Variants in TPCN1 observed in about 807,000 individuals in gnomAD.
The protein encoded by TPCN1 is two pore segment channel 1, also known as two pore channel protein 1.
TPCN1 carries 52 observed loss-of-function variants against 108.8 expected under a neutral mutation model. The observed-to-expected ratio is 0.48, with a 90% CI of 0.38 to 0.60. The LOEUF (loss-of-function observed/expected upper bound fraction) is 0.60. Ranked by LOEUF, TPCN1 falls within the 20% of genes least tolerant of loss-of-function variation. The pLI, the probability that TPCN1 is intolerant of heterozygous loss-of-function variation, is 0.00. For synonymous variants in TPCN1, 446 were observed against 433.7 expected (o/e 1.03, Z -0.35); for missense variants, 806 against 1,072.8 (o/e 0.75, Z 3.47).
intron 3 of TPCN1, among the ~76,000 whole-genome samples, chr12:113,265,442 T>C (rs568389143): frequency 3.9e-5 from 6 of 152,126 alleles, no homozygotes; most frequent in Non-Finnish European, 7.4e-5. Flanking sequence ...GCCCCTGAGC[T>C]CTTTACACTC....
chr12:113,225,686 C>T (rs1347485084), intron 1 of TPCN1, among the ~76,000 whole-genome samples: 2 of 152,094 alleles, frequency 1.3e-5, no homozygotes, highest in Non-Finnish European at 2.9e-5. Context: ...TCTTGAGTAG[C>T]TGGGATTACC....
At chr12:113,255,651 G>C (rs555588523) in intron 2 of TPCN1, among the ~76,000 whole-genome samples, 1 of 151,858 alleles carries the variant, frequency 6.6e-6, no homozygotes, top group African/African-American at 2.4e-5. Context: ...TCAGCCTCCT[G>C]AGTAGCTGGG....
chr12:113,245,433 T>TA lies in TPCN1; in HGVS notation c.113-14926dup, dbSNP rs1201772361. On this transcript the variant is annotated intron_variant, in intron 2 of 27. Coordinates refer to ENST00000335509, the MANE Select transcript of TPCN1 (RefSeq NM_017901.6). The stretch of plus-strand genomic sequence containing the variant: ...TAACACGGTGAAACCCCGTCTCTAC[T>TA]AAAAAAAAATACAAAAAATTAGCCG... 3.4e-4 allele frequency among the ~76,000 whole-genome samples: 38 copies of TA among 110,738 alleles called. 1 individual carries two copies. Among genetic ancestry groups the TA allele is most frequent in the Admixed American group, 2.0e-3 (23 of 11,398 alleles). 72.6% of individuals were successfully genotyped at this position (110,738 alleles called of 152,430 possible).
chr12:113,280,983 A>G (rs79305679), intron 15 of TPCN1, among the ~76,000 whole-genome samples: 7,552 of 152,182 alleles, frequency 0.05, 506 homozygotes, highest in East Asian at 0.15. Context: ...ATTCAGGCCT[A>G]CAGCAATTTT....
Position 113,269,383 on chromosome 12 carries a change from C to T in TPCN1, c.660-374C>T, listed in dbSNP as rs187768806. Reference sequence around the variant, plus strand: ...AGGACTCAGTGTCCTTGAAACAGGCCCAGTGTCCCAGGACTAAGTGGCCTT... The same window carrying T: ...AGGACTCAGTGTCCTTGAAACAGGCTCAGTGTCCCAGGACTAAGTGGCCTT... On this transcript the variant is annotated intron_variant, in intron 6 of 27. Transcript: ENST00000335509. This position sits in a 1 kb window ranked among gnomAD's most constrained non-coding sequence, Gnocchi z 5.0. Among the ~76,000 whole-genome samples the T allele has an allele frequency of 1.1e-4, 17 of 152,316 alleles. No homozygotes were observed. The highest frequency in any genetic ancestry group is 2.5e-4 in the Non-Finnish European group (17 of 68,026).
At chr12:113,271,591 T>G (rs188371110) in intron 7 of TPCN1, among the ~76,000 whole-genome samples, 44 of 152,378 alleles carry the variant, frequency 2.9e-4, no homozygotes, top group Admixed American at 2.5e-3. Flanking sequence ...TTTTTGAAAT[T>G]TATTCCTGTT....
intron 24 of TPCN1, 25 bp downstream of exon 24, chr12:113,291,702 CTT>C (rs1484300070): frequency 1.2e-6 from 2 of 1,610,420 alleles, no homozygotes; most frequent in Non-Finnish European, 1.7e-6. Flanking sequence ...ACAGAACGCT[CTT>C]TGTCCTTCGT....
chr12:113,253,378 C>T (rs1273413598), intron 2 of TPCN1, among the ~76,000 whole-genome samples: 1 of 152,178 alleles, frequency 6.6e-6, no homozygotes, highest in East Asian at 1.9e-4. Flanking sequence ...AATCACTGCC[C>T]CAACATAGTG....
Position 113,223,923 on chromosome 12 carries a change from C to G in TPCN1, c.-126+2297C>G, listed in dbSNP as rs192344789. Among the ~76,000 whole-genome samples, 8 of 152,280 alleles carry G rather than the reference C, an allele frequency of 5.3e-5. No homozygotes were observed. In the South Asian group the frequency reaches 1.0e-3, roughly 20 times the overall value. The stretch of plus-strand genomic sequence containing the variant: ...AATACTCACCAGTTAAAAAAAAATA[C>G]TCTTTTCCCCTTCCTCGGACACCTA... On this transcript the variant is annotated intron_variant, in intron 1 of 27. Transcript: ENST00000335509.
At position 113,289,938 on chromosome 12, in the gene TPCN1, A is replaced by G; in HGVS notation, c.1797-190A>G. On this transcript the variant is annotated intron_variant, in intron 21 of 27. Transcript: ENST00000335509. This position sits in a 1 kb window ranked among gnomAD's most constrained non-coding sequence, Gnocchi z 4.1. ...GGGGATCCCGCCAAGCCCAGCAGGCAGGAATAGCCAAGGGCATTCCTTCAG... is the reference window on the plus strand; with the variant it reads ...GGGGATCCCGCCAAGCCCAGCAGGCGGGAATAGCCAAGGGCATTCCTTCAG... 1 of 536,620 alleles carries G rather than the reference A, an allele frequency of 1.9e-6. No homozygotes were observed. Among genetic ancestry groups the G allele is most frequent in the South Asian group, 2.4e-5 (1 of 40,978 alleles). The allele number at this position is 536,620 out of a possible 1,614,324, so 33.2% of individuals were successfully genotyped here. A position where few individuals can be genotyped will look rare whatever the true frequency, so the allele number is the denominator to read the frequency against.
At chr12:113,246,516 C>T (rs1005021042) in intron 2 of TPCN1, among the ~76,000 whole-genome samples, 3 of 152,236 alleles carry the variant, frequency 2.0e-5, no homozygotes, top group Non-Finnish European at 4.4e-5. Context: ...CTGTGGGAGC[C>T]AGGGAGACTG....
intron 2 of TPCN1, among the ~76,000 whole-genome samples, chr12:113,251,415 T>A (rs905651819): frequency 6.6e-6 from 1 of 152,258 alleles, no homozygotes; most frequent in Non-Finnish European, 1.5e-5. Flanking sequence ...CCCTCATTTC[T>A]AGTTATTACA....
In TPCN1 at chr12:113,288,777, A is replaced by T; in HGVS notation, c.1726A>T (p.Ile576Phe). 1 of 1,613,060 alleles carries T rather than the reference A, an allele frequency of 6.2e-7. No individual in the cohort carries two copies. The highest frequency in any genetic ancestry group is 8.5e-7 in the Non-Finnish European group (1 of 1,180,002). ...CCACAGCCTGGGCCTCACCCTGCTC[A>T]TCTTTTACTACTCCTTCGCCATCGT... is the stretch of plus-strand genomic sequence containing the variant. ...RMASLGLTLLIFYYSFAIVGM... is the reference protein window; with the variant it reads ...RMASLGLTLLFFYYSFAIVGM... The change falls in exon 21 of 28, where the codon ATC becomes TTC. Residue 576 changes from isoleucine to phenylalanine, a missense_variant. Ile to Phe is a conservative substitution (Grantham distance 21, BLOSUM62 0). Transcript: ENST00000335509. The surrounding 1 kb of genome is among the most constrained non-coding windows in gnomAD (Gnocchi z 4.8).
At chr12:113,236,216 G>A (rs771204064) in intron 2 of TPCN1, among the ~76,000 whole-genome samples, 5 of 152,168 alleles carry the variant, frequency 3.3e-5, no homozygotes, top group South Asian at 2.1e-4. Context: ...CCAGGGACAC[G>A]GGGTGCCTAC....
intron 2 of TPCN1, among the ~76,000 whole-genome samples, chr12:113,259,219 C>T (rs2017412): frequency 0.017 from 2,600 of 152,216 alleles, 56 homozygotes; most frequent in African/African-American, 0.058. Flanking sequence ...TCAGGTGATC[C>T]GTCCACCTTG....
chr12:113,247,481 C>T (rs945166894), intron 2 of TPCN1, among the ~76,000 whole-genome samples: 4 of 152,244 alleles, frequency 2.6e-5, no homozygotes, highest in Non-Finnish European at 4.4e-5. Context: ...ACGCAGCACT[C>T]GGAGTGGGAG....
At chr12:113,238,351 A>G (rs924196774) in intron 2 of TPCN1, among the ~76,000 whole-genome samples, 4 of 152,178 alleles carry the variant, frequency 2.6e-5, no homozygotes, top group African/African-American at 9.7e-5. Context: ...TAGGGGTCCT[A>G]GTTTTGGTGG....
chr12:113,275,600 A>T lies in TPCN1; in HGVS notation c.943-1319A>T, dbSNP rs539696764. ...TCCTTTTTTTTTTTTTGAGACAGAGACTTGCTCTGTTGCCCAGGCTGTAGT... is the reference window on the plus strand; with the variant it reads ...TCCTTTTTTTTTTTTTGAGACAGAGTCTTGCTCTGTTGCCCAGGCTGTAGT... On this transcript the variant is annotated intron_variant, in intron 10 of 27. Coordinates refer to ENST00000335509, the MANE Select transcript of TPCN1 (RefSeq NM_017901.6). 7.4e-5 allele frequency among the ~76,000 whole-genome samples: 10 copies of T among 135,826 alleles called. No individual in the cohort carries two copies. The Admixed American group carries it at 7.6e-4, about 10-fold the overall frequency. The allele number at this position is 135,826 out of a possible 152,430, so 89.1% of individuals were successfully genotyped here.
In TPCN1 at chr12:113,266,858, A is replaced by G. The variant is rs771513580; in HGVS notation, c.414+502A>G. On this transcript the variant is annotated intron_variant, in intron 4 of 27. Coordinates refer to ENST00000335509, the MANE Select transcript of TPCN1 (RefSeq NM_017901.6). The surrounding 1 kb of genome is among the most constrained non-coding windows in gnomAD (Gnocchi z 4.2). ...CTCAAGGGGTGTGTGGTAGGCATGG[A>G]AGCAGGGAAGGGAGCCTGTGCCTGT... Among the ~76,000 whole-genome samples, 1 of 152,146 alleles carries G rather than the reference A, an allele frequency of 6.6e-6. No homozygotes were observed. The highest frequency in any genetic ancestry group is 1.5e-5 in the Non-Finnish European group (1 of 68,012).
Sources: gnomAD v4.1 joint callset for allele counts (sites outside exome capture counted in the v4.1 genomes callset) on GRCh38, gnomAD v4.1.1 for gene constraint, Gnocchi (gnomAD v3.1) non-coding constraint, MANE v1.5 for transcripts, NCBI Gene and HGNC (gene_info 2026-07-23, HGNC 2026-07-21) for gene names.